Variants in ADAMTS18 observed in about 807,000 individuals in gnomAD.
ADAMTS18 encodes the protein ADAM metallopeptidase with thrombospondin type 1 motif 18, also known as A disintegrin and metalloproteinase with thrombospondin motifs 18.
Under a neutral mutation model 165.9 loss-of-function variants are expected in ADAMTS18, and 157 were observed. The observed-to-expected ratio is 0.95, with a 90% CI of 0.83 to 1.08. The LOEUF (loss-of-function observed/expected upper bound fraction) is 1.08. Among genes scored for constraint, ADAMTS18 ranks in the 50% least tolerant of loss-of-function variants. The pLI, the probability that ADAMTS18 is intolerant of heterozygous loss-of-function variation, is 0.00. For synonymous variants in ADAMTS18, 782 were observed against 578.2 expected (o/e 1.35, Z -5.06); for missense variants, 2,040 against 1,534.0 (o/e 1.33, Z -5.51).
intron 3 of ADAMTS18, among the ~76,000 whole-genome samples, chr16:77,397,342 T>C (rs541860902): frequency 4.5e-4 from 69 of 152,312 alleles, no homozygotes; most frequent in African/African-American, 1.4e-3. Context: ...ATATAAAGGA[T>C]GTTAGACTTC....
chr16:77,289,420 G>A lies in ADAMTS18; in HGVS notation c.3403-9C>T. The A allele has an allele frequency of 6.2e-7, 1 of 1,613,872 alleles. No individual in the cohort carries two copies. Among genetic ancestry groups the A allele is most frequent in the South Asian group, 1.1e-5 (1 of 91,074 alleles). On this transcript the variant is annotated splice_polypyrimidine_tract_variant and intron_variant, in intron 21 of 22. Coordinates refer to ENST00000282849, the MANE Select transcript of ADAMTS18 (RefSeq NM_199355.4). The stretch of plus-strand genomic sequence containing the variant: ...CCACAGGTGACTGTGCACTGCAGCA[G>A]AGAGAAGAGGAAGGAGTCAGAAACA...
intron 19 of ADAMTS18, among the ~76,000 whole-genome samples, chr16:77,294,644 T>C (rs949448350): frequency 2.0e-5 from 3 of 152,222 alleles, no homozygotes; most frequent in African/African-American, 7.2e-5. Context: ...AGTCTTCTGA[T>C]ACTGGAATCC....
intron 3 of ADAMTS18, among the ~76,000 whole-genome samples, chr16:77,389,387 TTTTG>T (rs1277879913): frequency 3.3e-5 from 5 of 152,188 alleles, no homozygotes; most frequent in African/African-American, 1.2e-4. Context: ...AGGGGGTAGG[TTTTG>T]TTTGTTACAG....
intron 13 of ADAMTS18, 152 bp from the exon 14 acceptor site, chr16:77,322,618 G>A: frequency 2.2e-6 from 2 of 922,042 alleles, no homozygotes; most frequent in Non-Finnish European, 3.3e-6. Flanking sequence ...CATATGATGT[G>A]GCTTTCGAAG....
intron 3 of ADAMTS18, among the ~76,000 whole-genome samples, chr16:77,384,910 G>GTT (rs750433380): frequency 1.6e-4 from 19 of 122,356 alleles, no homozygotes; most frequent in East Asian, 4.4e-4. Flanking sequence ...TTCAGATAAG[G>GTT]TTTTTTTTTT....
intron 3 of ADAMTS18, among the ~76,000 whole-genome samples, chr16:77,421,732 C>T (rs1165593740): frequency 2.0e-5 from 3 of 152,106 alleles, no homozygotes; most frequent in Non-Finnish European, 4.4e-5. Flanking sequence ...TTTGACATGT[C>T]AGCTTTTCAC....
intron 3 of ADAMTS18, among the ~76,000 whole-genome samples, chr16:77,428,908 C>T (rs2057705302): frequency 6.6e-6 from 1 of 152,152 alleles, no homozygotes; most frequent in Non-Finnish European, 1.5e-5. Flanking sequence ...TATTCTTAGG[C>T]ATGTATCCAA....
Position 77,325,269 on chromosome 16 carries a change from C to T in ADAMTS18, c.2032+597G>A, listed in dbSNP as rs145554886. 3.6e-3 allele frequency among the ~76,000 whole-genome samples: 554 copies of T among 152,326 alleles called. 3 individuals carry two copies. Among genetic ancestry groups the T allele is most frequent in the Non-Finnish European group, 5.8e-3 (395 of 68,026 alleles). ...TATTCTACATAGGTAAGAGCAACTA[C>T]ATTAAACTCTTCTGCTGTAACTAAT... is the stretch of plus-strand genomic sequence containing the variant. On this transcript the variant is annotated intron_variant, in intron 13 of 22. Transcript: ENST00000282849.
Position 77,283,700 on chromosome 16 carries a change from T to C in ADAMTS18, c.*256A>G. On this transcript the variant is annotated 3_prime_UTR_variant, in exon 23 of 23. Transcript: ENST00000282849. ...ATTCACCACTTCTTGCATATAACAG[T>C]GCAAATCAAAGATTTTTTTTAAAGT... 2.1e-6 allele frequency: 1 copy of C among 471,864 alleles called. No individual in the cohort carries two copies. Among genetic ancestry groups the C allele is most frequent in the South Asian group, 2.1e-5 (1 of 47,052 alleles). 29.2% of individuals were successfully genotyped at this position (471,864 alleles called of 1,614,324 possible).
chr16:77,293,949 C>T (rs562326203), intron 19 of ADAMTS18, among the ~76,000 whole-genome samples: 2 of 151,812 alleles, frequency 1.3e-5, no homozygotes, highest in East Asian at 1.9e-4. Flanking sequence ...GGGTTGGGGA[C>T]CCTTGTGCTA....
chr16:77,423,628 T>A, intron 3 of ADAMTS18, among the ~76,000 whole-genome samples: 1 of 152,160 alleles, frequency 6.6e-6, no homozygotes, highest in East Asian at 1.9e-4. Context: ...AGACAAGAGA[T>A]GGAACTTCAG....
rs931562243 is a variant in ADAMTS18 at position 77,382,924 on chromosome 16, G to T, written c.496-15201C>A. 3.3e-5 allele frequency among the ~76,000 whole-genome samples: 5 copies of T among 152,158 alleles called. No individual in the cohort carries two copies. In the East Asian group the frequency reaches 9.6e-4, roughly 29 times the overall value. ...GCGGCTTGAATGTCTGGGAGGAGAAGATCCTACCTCATATCCATGTAAGTT... is the reference window on the plus strand; with the variant it reads ...GCGGCTTGAATGTCTGGGAGGAGAATATCCTACCTCATATCCATGTAAGTT... On this transcript the variant is annotated intron_variant, in intron 3 of 22. Coordinates refer to ENST00000282849, the MANE Select transcript of ADAMTS18 (RefSeq NM_199355.4).
intron 3 of ADAMTS18, among the ~76,000 whole-genome samples, chr16:77,388,637 A>G (rs1273438598): frequency 2.0e-5 from 3 of 152,154 alleles, no homozygotes; most frequent in African/African-American, 7.2e-5. Context: ...GCATAAATAT[A>G]TATAAATCAC....
intron 3 of ADAMTS18, among the ~76,000 whole-genome samples, chr16:77,422,276 G>A (rs1329924321): frequency 6.6e-6 from 1 of 152,040 alleles, no homozygotes; most frequent in African/African-American, 2.4e-5. Context: ...TTCTTCTCAG[G>A]TATTATATAG....
intron 22 of ADAMTS18, among the ~76,000 whole-genome samples, chr16:77,288,033 G>A (rs2055289098): frequency 6.6e-6 from 1 of 152,110 alleles, no homozygotes; most frequent in South Asian, 2.1e-4. Context: ...CTTTTCACAT[G>A]ATCTTTCATG....
rs752158590 is a variant in ADAMTS18, at chr16:77,364,203, G to C, written c.957C>G (p.Leu319=). ...HGKGNVTTYI[L]TVMNMVSGLF... ...CCCCGCTTACCATGTTCATTACTGT[G>C]AGAATGTATGTGGTGACATTTCCCT... The change falls in exon 5 of 23, where the codon CTC becomes CTG. Residue 319 remains leucine (L), a synonymous_variant. Transcript: ENST00000282849. 5.3e-5 allele frequency: 85 copies of C among 1,613,974 alleles called. No homozygotes were observed. In the Admixed American group the frequency reaches 1.4e-3, roughly 27 times the overall value.
At chr16:77,412,542 T>C (rs1403154001) in intron 3 of ADAMTS18, among the ~76,000 whole-genome samples, 2 of 152,088 alleles carry the variant, frequency 1.3e-5, no homozygotes, top group East Asian at 1.9e-4. Flanking sequence ...CTGTTTTCAT[T>C]TTGCTAATAA....
At chr16:77,333,344 T>C (rs988331090) in intron 12 of ADAMTS18, among the ~76,000 whole-genome samples, 10 of 151,952 alleles carry the variant, frequency 6.6e-5, no homozygotes, top group African/African-American at 2.4e-4. Context: ...TTACAACAAA[T>C]ACCTAATGCA....
intron 3 of ADAMTS18, among the ~76,000 whole-genome samples, chr16:77,413,129 T>C (rs770759734): frequency 2.0e-5 from 3 of 152,280 alleles, no homozygotes; most frequent in South Asian, 2.1e-4. Flanking sequence ...GCAACAAGAA[T>C]AGACAGAGGA....
Sources: allele counts gnomAD v4.1 joint callset (sites outside exome capture counted in the v4.1 genomes callset), GRCh38; gene constraint gnomAD v4.1.1; transcripts MANE v1.5; gene names NCBI Gene and HGNC (gene_info 2026-07-23, HGNC 2026-07-21).